Variants in MREG observed in about 807,000 individuals in gnomAD.
The protein encoded by MREG is dilute suppressor protein homolog.
MREG carries 31 observed loss-of-function variants against 28.5 expected under a neutral mutation model. The ratio of observed to expected loss-of-function variants is 1.09; its 90% CI spans 0.82 to 1.47. The LOEUF (loss-of-function observed/expected upper bound fraction) is 1.47. Among genes scored for constraint, MREG ranks in the 40% most tolerant of loss-of-function variants. The pLI is 0.00. For missense variants in MREG, 256 were observed against 257.4 expected (o/e 0.99, Z 0.04); for synonymous variants, 106 against 95.2 (o/e 1.11, Z -0.66).
intron 2 of MREG, among the ~76,000 whole-genome samples, chr2:215,949,437 T>A (rs1478883115): frequency 6.6e-6 from 1 of 151,492 alleles, no homozygotes; most frequent in African/African-American, 2.4e-5. Flanking sequence ...GGTGTGTGCC[T>A]GTGGTCCCAG....
intron 2 of MREG, among the ~76,000 whole-genome samples, chr2:215,970,350 T>C (rs1350978183): frequency 6.6e-6 from 1 of 152,168 alleles, no homozygotes; most frequent in Non-Finnish European, 1.5e-5. Context: ...CCCCCAGAAC[T>C]GTGAGAGAAC....
intron 1 of MREG, among the ~76,000 whole-genome samples, chr2:216,030,216 C>A (rs912711235): frequency 1.3e-5 from 2 of 152,122 alleles, no homozygotes; most frequent in African/African-American, 4.8e-5. Context: ...TTCTCTTTAG[C>A]CTGTGTTTGA....
intron 2 of MREG, among the ~76,000 whole-genome samples, chr2:215,979,944 C>T (rs186474182): frequency 1.9e-4 from 28 of 146,882 alleles, no homozygotes; most frequent in Admixed American, 1.4e-3. Context: ...CTTTCAGGCC[C>T]TGTTTTATGC....
intron 1 of MREG, among the ~76,000 whole-genome samples, chr2:216,030,384 C>G (rs538832420): frequency 1.6e-4 from 25 of 152,278 alleles, no homozygotes; most frequent in African/African-American, 5.5e-4. Context: ...GTTTCTTGAC[C>G]TGTTCATGCC....
At chr2:215,981,936 T>C (rs975386623) in intron 2 of MREG, among the ~76,000 whole-genome samples, 1 of 152,232 alleles carries the variant, frequency 6.6e-6, no homozygotes, top group Non-Finnish European at 1.5e-5. Flanking sequence ...GAATTGCTAA[T>C]GATGCTGCTC....
chr2:215,990,847 A>C (rs939661788), intron 2 of MREG, among the ~76,000 whole-genome samples: 1 of 152,250 alleles, frequency 6.6e-6, no homozygotes, highest in Non-Finnish European at 1.5e-5. Context: ...AGAGCTAACT[A>C]TCCTAAATAT....
intron 2 of MREG, among the ~76,000 whole-genome samples, chr2:215,983,304 C>T (rs1371322243): frequency 6.6e-6 from 1 of 152,258 alleles, no homozygotes; most frequent in Non-Finnish European, 1.5e-5. Context: ...AATGCAGAGC[C>T]AGACTGGAGT....
chr2:215,978,858 A>C (rs1693331499), intron 2 of MREG, among the ~76,000 whole-genome samples: 1 of 152,238 alleles, frequency 6.6e-6, no homozygotes, highest in African/African-American at 2.4e-5. Flanking sequence ...AACTCTCAAT[A>C]AACTAGGTAT....
chr2:216,032,158 T>C (rs1316334925), intron 1 of MREG, among the ~76,000 whole-genome samples: 1 of 152,222 alleles, frequency 6.6e-6, no homozygotes, highest in East Asian at 1.9e-4. Flanking sequence ...ATCCTTGCTA[T>C]TTAAGTCCAT....
At chr2:216,007,777 T>C (rs1694200067) in intron 1 of MREG, among the ~76,000 whole-genome samples, 1 of 151,454 alleles carries the variant, frequency 6.6e-6, no homozygotes, top group South Asian at 2.1e-4. Context: ...TAGCTGGCAA[T>C]TTCACTGTTT....
intron 2 of MREG, among the ~76,000 whole-genome samples, chr2:215,969,364 C>G (rs114490669): frequency 0.011 from 1,705 of 152,248 alleles, 30 homozygotes; most frequent in African/African-American, 0.038. Flanking sequence ...AACCACAATG[C>G]CAGTACAGAA....
chr2:216,028,124 A>G (rs565202803), intron 1 of MREG, among the ~76,000 whole-genome samples: 2 of 152,350 alleles, frequency 1.3e-5, no homozygotes, highest in African/African-American at 4.8e-5. Context: ...TCATGTAAAT[A>G]TAATGTAAAA....
chr2:215,989,967 ACT>A (rs1288171367), intron 2 of MREG, among the ~76,000 whole-genome samples: 1 of 152,142 alleles, frequency 6.6e-6, no homozygotes, highest in Non-Finnish European at 1.5e-5. Flanking sequence ...GTTGGAAAAC[ACT>A]CTTCAGGATA....
At chr2:216,030,256 C>G (rs1452048012) in intron 1 of MREG, among the ~76,000 whole-genome samples, 2 of 152,086 alleles carry the variant, frequency 1.3e-5, no homozygotes, top group African/African-American at 4.8e-5. Context: ...TCAAAATAAT[C>G]TCTTCATTGT....
At chr2:215,980,811 T>C (rs1574623207) in intron 2 of MREG, among the ~76,000 whole-genome samples, 1 of 108,528 alleles carries the variant, frequency 9.2e-6, no homozygotes, top group Non-Finnish European at 1.7e-5. Context: ...GGCTCTGGCT[T>C]AAAGAAAGAA....
chr2:216,029,712 T>C (rs762420596), intron 1 of MREG, among the ~76,000 whole-genome samples: 1 of 152,226 alleles, frequency 6.6e-6, no homozygotes, highest in Non-Finnish European at 1.5e-5. Flanking sequence ...ACTCCCAGCA[T>C]GGCTGAAAAT....
chr2:216,015,121 G>GTGTGTGTGCGCGCGTGCATGTGCGCGCA (rs899961935), upstream of MREG, among the ~76,000 whole-genome samples: 2 of 151,950 alleles, frequency 1.3e-5, no homozygotes, highest in African/African-American at 2.4e-5. Context: ...GTGTGCACGC[G>GTGTGTGTGCGCGCGTGCATGTGCGCGCA]TGTGTGTGCG....
At chr2:215,992,124 G>A (rs1346373552) in intron 2 of MREG, among the ~76,000 whole-genome samples, 1 of 152,206 alleles carries the variant, frequency 6.6e-6, no homozygotes, top group Non-Finnish European at 1.5e-5. Flanking sequence ...TCTCCCTGAT[G>A]AACATCAATG....
At chr2:215,993,925 G>A (rs559542203) in intron 2 of MREG, among the ~76,000 whole-genome samples, 1 of 152,354 alleles carries the variant, frequency 6.6e-6, no homozygotes, top group African/African-American at 2.4e-5. Flanking sequence ...AGATGCTGGA[G>A]AGATGTGGAG....
Sources: gnomAD v4.1 joint callset for allele counts (sites outside exome capture counted in the v4.1 genomes callset) on GRCh38, gnomAD v4.1.1 for gene constraint, MANE v1.5 for transcripts, NCBI Gene and HGNC (gene_info 2026-07-23, HGNC 2026-07-21) for gene names.